LRRN1: variants seen among roughly 807,000 people sequenced by gnomAD.
LRRN1 encodes leucine rich repeat neuronal 1.
LRRN1 carries 14 observed loss-of-function variants against 45.8 expected under a neutral mutation model. The observed-to-expected ratio is 0.31, with a 90% confidence interval of 0.20 to 0.48. The LOEUF is 0.48. Ranked by LOEUF, LRRN1 falls within the 20% of genes least tolerant of loss-of-function variation. The pLI, the probability that LRRN1 is intolerant of heterozygous loss-of-function variation, is 0.99. For missense variants in LRRN1, 789 were observed against 874.2 expected, an observed-to-expected ratio of 0.90 and a Z score of 1.23; for synonymous variants, 359 against 330.1, an observed-to-expected ratio of 1.09 and a Z score of -0.95.
intron 1 of LRRN1, among the ~76,000 whole-genome samples, chr3:3,811,180 C>G (rs561356539): frequency 6.6e-6 from 1 of 152,196 alleles, no homozygotes; most frequent in South Asian, 2.1e-4. Context: ...GAAAAAAAAC[C>G]CTAGACAAGG....
chr3:3,846,042 A>T lies in LRRN1; in HGVS notation c.1401A>T (p.Ile467=), dbSNP rs375113856. 2 of 1,614,002 alleles carry T rather than the reference A, an allele frequency of 1.2e-6. No individual in the cohort carries two copies. Among genetic ancestry groups the T allele is most frequent in the Non-Finnish European group, 1.7e-6 (2 of 1,179,994 alleles). ...IYWVTPIGNK[I]TVETLSDKYK... is the part of the protein sequence containing the mutation. Reference sequence around the variant, plus strand: ...GGGTCACTCCCATTGGAAATAAGATAACTGTGGAAACCCTTTCAGATAAAT... The same window carrying T: ...GGGTCACTCCCATTGGAAATAAGATTACTGTGGAAACCCTTTCAGATAAAT... The change falls in exon 2 of 2, where the codon ATA becomes ATT. Residue 467 remains isoleucine, a synonymous_variant. Coordinates refer to ENST00000319331, the MANE Select transcript of LRRN1 (RefSeq NM_020873.7). This position sits in a 1 kb window ranked among gnomAD's most constrained non-coding sequence, Gnocchi z 5.7.
chr3:3,847,939 T>C lies in LRRN1; in HGVS notation c.*1147T>C, dbSNP rs954299644. Among the ~76,000 whole-genome samples, 12 of 152,152 alleles carry C rather than the reference T, an allele frequency of 7.9e-5. No individual in the cohort carries two copies. Among genetic ancestry groups the C allele is most frequent in the Admixed American group, 2.0e-4 (3 of 15,270 alleles). ...TAAATATATATATACACCAATATAT[T>C]CATATATACTCACACACATCCCAAC... On this transcript the variant is annotated 3_prime_UTR_variant, in exon 2 of 2. Coordinates refer to ENST00000319331, the MANE Select transcript of LRRN1 (RefSeq NM_020873.7).
rs369083212 is a variant in LRRN1, at chr3:3,845,984, G to C, written c.1343G>C (p.Arg448Pro). The C allele has an allele frequency of 6.2e-7, 1 of 1,613,954 alleles. No individual in the cohort carries two copies. The change falls in exon 2 of 2, where the codon CGA (arginine) becomes CCA (proline). Residue 448 changes from arginine to proline, a missense_variant. Coordinates refer to ENST00000319331, the MANE Select transcript of LRRN1 (RefSeq NM_020873.7). This position sits in a 1 kb window ranked among gnomAD's most constrained non-coding sequence, Gnocchi z 6.5. ...DIGTTVFLDCRAMAEPEPEIY... is the reference protein window; with the variant it reads ...DIGTTVFLDCPAMAEPEPEIY... ...GGCACGACGGTTTTCCTAGACTGTC[G>C]AGCCATGGCTGAGCCAGAACCTGAA...
Position 3,844,611 on chromosome 3 carries a change from G to A in LRRN1, c.-31G>A, listed in dbSNP as rs1297271499. Reference sequence around the variant, plus strand: ...TCACGTTTTGTTAAAACTTTGGGGTGTCAGGAGTTGAGCTTGCTCAGCAAG... The same window carrying A: ...TCACGTTTTGTTAAAACTTTGGGGTATCAGGAGTTGAGCTTGCTCAGCAAG... On this transcript the variant is annotated 5_prime_UTR_variant, in exon 2 of 2. Coordinates refer to ENST00000319331, the MANE Select transcript of LRRN1 (RefSeq NM_020873.7). 4.5e-6 allele frequency: 7 copies of A among 1,557,332 alleles called. No homozygotes were observed. The highest frequency in any genetic ancestry group is 6.1e-6 in the Non-Finnish European group (7 of 1,141,508).
chr3:3,838,390 A>G (rs1318520742), intron 1 of LRRN1, among the ~76,000 whole-genome samples: 2 of 152,236 alleles, frequency 1.3e-5, no homozygotes, highest in Non-Finnish European at 2.9e-5. Flanking sequence ...GACAAATGGG[A>G]TCTAATTAAA....
intron 1 of LRRN1, among the ~76,000 whole-genome samples, chr3:3,812,862 G>A (rs1228931682): frequency 2.0e-5 from 3 of 147,918 alleles, no homozygotes; most frequent in Non-Finnish European, 3.0e-5. Context: ...TGTGAAGTTT[G>A]TGGGAATGGG....
rs555854004 is a variant in LRRN1 at position 3,845,278 on chromosome 3, C to T, written c.637C>T (p.Pro213Ser). 16 of 1,614,094 alleles carry T rather than the reference C, an allele frequency of 9.9e-6. No individual in the cohort carries two copies. The South Asian group carries it at 1.6e-4, about 17-fold the overall frequency. The change falls in exon 2 of 2, where the codon CCC becomes TCC. Residue 213 changes from proline (P) to serine (S), a missense_variant. By Grantham distance (74) the Pro-to-Ser change is moderately conservative (BLOSUM62 -1). Coordinates refer to ENST00000319331, the MANE Select transcript of LRRN1 (RefSeq NM_020873.7). This position sits in a 1 kb window ranked among gnomAD's most constrained non-coding sequence, Gnocchi z 6.5. ...TGGAATTCTGGATATGAACTTCAAACCCCTCGCAAATTTGAGAAGCTTAGT... is the reference window on the plus strand; with the variant it reads ...TGGAATTCTGGATATGAACTTCAAATCCCTCGCAAATTTGAGAAGCTTAGT... Reference protein sequence around the residue: ...VIGILDMNFKPLANLRSLVLA... With the variant: ...VIGILDMNFKSLANLRSLVLA...
At chr3:3,809,444 A>C (rs368650010) in intron 1 of LRRN1, among the ~76,000 whole-genome samples, 1 of 152,204 alleles carries the variant, frequency 6.6e-6, no homozygotes. Context: ...GCCCCCGGCC[A>C]TGAAAAGTAT....
intron 1 of LRRN1, among the ~76,000 whole-genome samples, 166 bp downstream of exon 1, chr3:3,800,085 T>C (rs1168247828): frequency 7.6e-6 from 1 of 132,326 alleles, no homozygotes; most frequent in Non-Finnish European, 1.6e-5. Context: ...CTGGGGAAAA[T>C]GACGAAGTCG....
intron 1 of LRRN1, among the ~76,000 whole-genome samples, chr3:3,836,868 C>T (rs543997855): frequency 6.6e-6 from 1 of 152,202 alleles, no homozygotes; most frequent in Admixed American, 6.5e-5. Flanking sequence ...AAAAGGGTTA[C>T]ATGTGGTTGG....
At chr3:3,825,236 G>C (rs1427566370) in intron 1 of LRRN1, among the ~76,000 whole-genome samples, 1 of 152,170 alleles carries the variant, frequency 6.6e-6, no homozygotes, top group African/African-American at 2.4e-5. Flanking sequence ...AAGGGCTAAA[G>C]TGCCATCCAT....
chr3:3,825,063 C>A (rs1693189005), intron 1 of LRRN1, among the ~76,000 whole-genome samples: 1 of 152,200 alleles, frequency 6.6e-6, no homozygotes, highest in Non-Finnish European at 1.5e-5. Context: ...CATAGACACC[C>A]TTCCCGTCTG....
At position 3,845,850 on chromosome 3, in the gene LRRN1, C is replaced by T. The variant is rs113247781; in HGVS notation, c.1209C>T (p.Pro403=). ...EPLSMFCAMP[P]EYKGHQVKEV... ...TGTCCATGTTCTGTGCCATGCCGCCCGAATATAAAGGGCACCAGGTGAAGG... is the reference window on the plus strand; with the variant it reads ...TGTCCATGTTCTGTGCCATGCCGCCTGAATATAAAGGGCACCAGGTGAAGG... The change falls in exon 2 of 2, where the codon CCC becomes CCT. Residue 403 remains proline (P), a synonymous_variant. Transcript: ENST00000319331. This position sits in a 1 kb window ranked among gnomAD's most constrained non-coding sequence, Gnocchi z 6.5. 1.3e-4 allele frequency: 209 copies of T among 1,614,036 alleles called. No homozygotes were observed. The highest frequency in any genetic ancestry group is 7.3e-4 in the African/African-American group (55 of 74,992).
At chr3:3,829,068 G>A (rs1693304193) in intron 1 of LRRN1, among the ~76,000 whole-genome samples, 1 of 150,892 alleles carries the variant, frequency 6.6e-6, no homozygotes. Flanking sequence ...GTCCTTTCTG[G>A]ATTGGGCTGT....
chr3:3,840,899 C>T (rs192295106), intron 1 of LRRN1, among the ~76,000 whole-genome samples: 1 of 152,258 alleles, frequency 6.6e-6, no homozygotes, highest in African/African-American at 2.4e-5. Context: ...CCTATAGCCC[C>T]ATAAAGGCTA....
At chr3:3,805,156 A>G (rs1475110801) in intron 1 of LRRN1, among the ~76,000 whole-genome samples, 2 of 152,234 alleles carry the variant, frequency 1.3e-5, no homozygotes, top group African/African-American at 4.8e-5. Context: ...ATTAGCACCT[A>G]TCTCAGTAAG....
intron 1 of LRRN1, chr3:3,804,193 T>C (rs1041739636): frequency 1.3e-5 from 2 of 152,226 alleles, no homozygotes; most frequent in African/African-American, 4.8e-5. Context: ...CAAGCTATTA[T>C]CCAGTCGTAG....
chr3:3,830,748 T>C (rs1693353559), intron 1 of LRRN1, among the ~76,000 whole-genome samples: 1 of 152,158 alleles, frequency 6.6e-6, no homozygotes, highest in South Asian at 2.1e-4. Context: ...TTCCATTTGA[T>C]GATGGAATGC....
rs528355985 is a variant in LRRN1 at position 3,833,724 on chromosome 3, C to T, written c.-278-10640C>T. ...AGGCCATCACTGTTGCCTCAGGCAG[C>T]GCAGGGTTTGTCTCCTCAGACAAAG... On this transcript the variant is annotated intron_variant, in intron 1 of 1. Coordinates refer to ENST00000319331, the MANE Select transcript of LRRN1 (RefSeq NM_020873.7). Among the ~76,000 whole-genome samples, 148 of 152,264 alleles carry T rather than the reference C, an allele frequency of 9.7e-4. 1 individual carries two copies. The highest frequency in any genetic ancestry group is 3.3e-3 in the African/African-American group (136 of 41,560).
Sources: gnomAD v4.1 joint callset for allele counts (sites outside exome capture counted in the v4.1 genomes callset) on GRCh38, gnomAD v4.1.1 for gene constraint, Gnocchi (gnomAD v3.1) non-coding constraint, MANE v1.5 for transcripts, NCBI Gene and HGNC (gene_info 2026-07-23, HGNC 2026-07-21) for gene names.